The following NKAIN4 variants were observed in gnomAD, a reference collection of about 807,000 sequenced individuals.
NKAIN4 encodes the protein sodium/potassium transporting ATPase interacting 4.
A neutral mutation model predicts 28.8 loss-of-function variants in NKAIN4; 28 were observed. The observed-to-expected ratio is 0.97, with a 90% CI of 0.72 to 1.33. NKAIN4 has a LOEUF of 1.33. Ranked by LOEUF, NKAIN4 falls within the 40% of genes most tolerant of loss-of-function variation. The pLI, the probability that NKAIN4 is intolerant of heterozygous loss-of-function variation, is 0.00. For synonymous variants in NKAIN4, 122 were observed against 115.6 expected (o/e 1.06, Z -0.36); for missense variants, 289 against 277.2 (o/e 1.04, Z -0.30).
intron 4 of NKAIN4, chr20:63,246,757 A>C (rs1974283970): frequency 1.0e-6 from 1 of 978,810 alleles, no homozygotes; most frequent in Admixed American, 6.2e-5. Context: ...GGAGCTCTTG[A>C]GGTGAAACGC....
upstream of NKAIN4, chr20:63,254,872 T>G: frequency 8.8e-5 from 14 of 159,664 alleles, no homozygotes; most frequent in East Asian, 1.8e-4. Context: ...CCCATCAACC[T>G]TCCCCGTGTG....
rs1367703395 is a variant in NKAIN4 at position 63,247,624 on chromosome 20, G to T, written c.425C>A (p.Pro142His). 6.5e-7 allele frequency: 1 copy of T among 1,547,718 alleles called. No homozygotes were observed. ...LVSGAGCALE[P>H]SYVEALHSCL... Reference sequence around the variant, plus strand: ...ACTGTGTAGGGCCTCCACATAGCTGGGCTCCAGGGCACAGCCAGCACCTGA... The same window carrying T: ...ACTGTGTAGGGCCTCCACATAGCTGTGCTCCAGGGCACAGCCAGCACCTGA... The change falls in exon 4 of 7, where the codon CCC becomes CAC. Residue 142 changes from proline (P) to histidine (H), a missense_variant. By Grantham distance (77) the Pro-to-His change is moderately conservative (BLOSUM62 -2). Coordinates refer to ENST00000370316, the MANE Select transcript of NKAIN4 (RefSeq NM_152864.4).
rs79895489 is a variant in NKAIN4, at chr20:63,245,522, C to T, written c.472-1438G>A. On this transcript the variant is annotated intron_variant, in intron 4 of 6. Transcript: ENST00000370316. The surrounding 1 kb of genome is among the most constrained non-coding windows in gnomAD (Gnocchi z 4.7). ...CTGCACACCACCGCCTCCTGCCCAT[C>T]CTCCTGGCTCCAGCCCCAGGTCCAC... Among the ~76,000 whole-genome samples the T allele has an allele frequency of 0.063, 9,556 of 152,180 alleles. 389 individuals carry two copies. The highest frequency in any genetic ancestry group is 0.12 in the Middle Eastern group (35 of 294).
Position 63,241,254 on chromosome 20 carries a change from G to GTTTCC in NKAIN4, c.*242_*243insGGAAA. On this transcript the variant is annotated 3_prime_UTR_variant, in exon 7 of 7. Transcript: ENST00000370316. ...TGGGGTTTTGCCTTTTCTTTTGTATGTTTTCTTTTCTTTTTTTTTTTTAAG... is the reference window on the plus strand; with the variant it reads ...TGGGGTTTTGCCTTTTCTTTTGTATGTTTCCTTTTCTTTTCTTTTTTTTTTTTAAG... The GTTTCC allele has an allele frequency of 1.9e-6, 1 of 538,520 alleles. No homozygotes were observed. The highest frequency in any genetic ancestry group is 3.3e-6 in the Non-Finnish European group (1 of 303,774). The allele number at this position is 538,520 out of a possible 1,614,324, so 33.4% of individuals were successfully genotyped here. A position where few individuals can be genotyped will look rare whatever the true frequency, so the allele number is the denominator to read the frequency against.
In NKAIN4 at chr20:63,254,359, G is replaced by A. The variant is rs921359503; in HGVS notation, c.54+38C>T. The stretch of plus-strand genomic sequence containing the variant: ...CCACAGCCGCCGTGGGTCGGGCACC[G>A]GGGGCTCCAGGAGGCTCGCGGAGGG... On this transcript the variant is annotated intron_variant, in intron 1 of 6. Coordinates refer to ENST00000370316, the MANE Select transcript of NKAIN4 (RefSeq NM_152864.4). 69 of 1,406,598 alleles carry A rather than the reference G, an allele frequency of 4.9e-5. No homozygotes were observed. The East Asian group carries it at 1.6e-3, about 32-fold the overall frequency. The allele number at this position is 1,406,598 out of a possible 1,614,324, so 87.1% of individuals were successfully genotyped here.
In NKAIN4 at chr20:63,241,277, A is replaced by C; in HGVS notation, c.*220T>G. On this transcript the variant is annotated 3_prime_UTR_variant, in exon 7 of 7. Coordinates refer to ENST00000370316, the MANE Select transcript of NKAIN4 (RefSeq NM_152864.4). Reference sequence around the variant, plus strand: ...ATGTTTTCTTTTCTTTTTTTTTTTTAAGAGAAAGGAAATTACAAACTCTCT... The same window carrying C: ...ATGTTTTCTTTTCTTTTTTTTTTTTCAGAGAAAGGAAATTACAAACTCTCT... 2.0e-6 allele frequency: 1 copy of C among 489,540 alleles called. No homozygotes were observed. The allele number at this position is 489,540 out of a possible 1,614,324, so 30.3% of individuals were successfully genotyped here. A position where few individuals can be genotyped will look rare whatever the true frequency, so the allele number is the denominator to read the frequency against.
intron 4 of NKAIN4, chr20:63,247,103 CCAG>C: frequency 1.9e-6 from 2 of 1,042,754 alleles, no homozygotes; most frequent in South Asian, 3.3e-5. Flanking sequence ...GATGCATACG[CCAG>C]GGTTCCCGAC....
upstream of NKAIN4, chr20:63,254,486 G>A (rs1164890781): frequency 7.8e-7 from 1 of 1,282,910 alleles, no homozygotes; most frequent in South Asian, 2.3e-5. Context: ...CGGGTGCCCC[G>A]CGCTCGGCCC....
rs1168115282 is a variant in NKAIN4 at position 63,240,829 on chromosome 20, G to A, written c.*668C>T. ...ATTTACCAACTTGATGATACCTGGG[G>A]GAGCCTTTGGGACTGTTTGCCCAAG... On this transcript the variant is annotated 3_prime_UTR_variant, in exon 7 of 7. Transcript: ENST00000370316. 2 of 152,406 alleles carry A rather than the reference G, an allele frequency of 1.3e-5. No homozygotes were observed. The highest frequency in any genetic ancestry group is 1.5e-5 in the Non-Finnish European group (1 of 68,182). 9.4% of individuals were successfully genotyped at this position (152,406 alleles called of 1,614,324 possible). A position where few individuals can be genotyped will look rare whatever the true frequency, so the allele number is the denominator to read the frequency against.
In NKAIN4 at chr20:63,252,166, C is replaced by T. The variant is rs1314827334; in HGVS notation, c.55-2094G>A. On this transcript the variant is annotated intron_variant, in intron 1 of 6. Coordinates refer to ENST00000370316, the MANE Select transcript of NKAIN4 (RefSeq NM_152864.4). The surrounding 1 kb of genome is among the most constrained non-coding windows in gnomAD (Gnocchi z 4.6). ...CGTCTTTTTCATCTCGAAGCCAAGGCTCCCAGAGGCTCAGGGCTCCATGAC... is the reference window on the plus strand; with the variant it reads ...CGTCTTTTTCATCTCGAAGCCAAGGTTCCCAGAGGCTCAGGGCTCCATGAC... Among the ~76,000 whole-genome samples the T allele has an allele frequency of 1.3e-5, 2 of 152,178 alleles. No homozygotes were observed.
chr20:63,253,269 T>A (rs1337765794), intron 1 of NKAIN4: 2 of 985,316 alleles, frequency 2.0e-6, no homozygotes, highest in African/African-American at 3.5e-5. Context: ...GCCCCCAGCC[T>A]GTTGCAGGAC....
rs780327723 is a variant in NKAIN4 at position 63,248,921 on chromosome 20, C to T, written c.193-26G>A. ...CTAGGGAGAGGAGAGGATGGGGCGGCAGCTGAACACAGCTCCCGGGCACAC... is the reference window on the plus strand; with the variant it reads ...CTAGGGAGAGGAGAGGATGGGGCGGTAGCTGAACACAGCTCCCGGGCACAC... On this transcript the variant is annotated intron_variant, in intron 2 of 6. Coordinates refer to ENST00000370316, the MANE Select transcript of NKAIN4 (RefSeq NM_152864.4). The T allele has an allele frequency of 5.8e-5, 87 of 1,492,154 alleles. No individual in the cohort carries two copies. In the Admixed American group the frequency reaches 1.3e-3, roughly 23 times the overall value. The allele number at this position is 1,492,154 out of a possible 1,614,324, so 92.4% of individuals were successfully genotyped here.
intron 4 of NKAIN4, chr20:63,246,452 C>T: frequency 1.0e-6 from 1 of 971,852 alleles, no homozygotes; most frequent in Non-Finnish European, 1.2e-6. Context: ...GGGGCAGCAC[C>T]TTCCTGGCCT....
chr20:63,244,988 C>T (rs977433161), intron 4 of NKAIN4, among the ~76,000 whole-genome samples: 15 of 152,306 alleles, frequency 9.8e-5, no homozygotes, highest in African/African-American at 3.4e-4. Context: ...TTGGTTTCTT[C>T]CTCCATAGAC....
chr20:63,253,683 C>CA lies in NKAIN4; in HGVS notation c.54+713dup, dbSNP rs1568715260. 3.3e-5 allele frequency among the ~76,000 whole-genome samples: 5 copies of CA among 152,342 alleles called. No homozygotes were observed. The South Asian group carries it at 8.3e-4, about 25-fold the overall frequency. On this transcript the variant is annotated intron_variant, in intron 1 of 6. Coordinates refer to ENST00000370316, the MANE Select transcript of NKAIN4 (RefSeq NM_152864.4). Reference sequence around the variant, plus strand: ...GGGCTCCGGGAAAGAATCCGCCCCCCAGGCGTCCCAGGGAGCTTCGGACTC... The same window carrying CA: ...GGGCTCCGGGAAAGAATCCGCCCCCCAAGGCGTCCCAGGGAGCTTCGGACTC...
At chr20:63,247,502 G>A in intron 4 of NKAIN4, 76 bp downstream of exon 4, 1 of 1,548,890 alleles carries the variant, frequency 6.5e-7, no homozygotes, top group South Asian at 1.2e-5. Context: ...CCCGCCTCAG[G>A]GAGATGAGCC....
chr20:63,242,724 T>TG, intron 5 of NKAIN4, 101 bp from the exon 6 acceptor site: 1 of 556,690 alleles, frequency 1.8e-6, no homozygotes, highest in Non-Finnish European at 2.9e-6. Flanking sequence ...AAGGGGTCCC[T>TG]GGGGGCACAG....
At position 63,252,898 on chromosome 20, in the gene NKAIN4, A is replaced by G. The variant is rs945109263; in HGVS notation, c.54+1499T>C. Among the ~76,000 whole-genome samples the G allele has an allele frequency of 1.3e-4, 20 of 151,958 alleles. No individual in the cohort carries two copies. The highest frequency in any genetic ancestry group is 4.4e-4 in the African/African-American group (18 of 41,376). On this transcript the variant is annotated intron_variant, in intron 1 of 6. Coordinates refer to ENST00000370316, the MANE Select transcript of NKAIN4 (RefSeq NM_152864.4). This position sits in a 1 kb window ranked among gnomAD's most constrained non-coding sequence, Gnocchi z 4.6. ...CCAGCACAGTCGTGCCTCACCCTGC[A>G]CCTGAGACTGAAGCACCCATTTCTC...
chr20:63,254,687 A>C, upstream of NKAIN4: 3 of 328,750 alleles, frequency 9.1e-6, no homozygotes, highest in Non-Finnish European at 1.1e-5. Context: ...GACCGTTCTT[A>C]AAGGGGCGAT....
Sources: gnomAD v4.1 joint callset for allele counts (sites outside exome capture counted in the v4.1 genomes callset) on GRCh38, gnomAD v4.1.1 for gene constraint, Gnocchi (gnomAD v3.1) non-coding constraint, MANE v1.5 for transcripts, NCBI Gene and HGNC (gene_info 2026-07-23, HGNC 2026-07-21) for gene names.